The following NSG2 variants were observed in gnomAD, a reference collection of about 807,000 sequenced individuals.
The protein encoded by NSG2 is neuronal vesicle trafficking associated 2.
NSG2 carries 4 observed loss-of-function variants against 16.9 expected under a neutral mutation model. The ratio of observed to expected loss-of-function variants is 0.24; its 90% confidence interval spans 0.12 to 0.54. The LOEUF is 0.54. NSG2 is among the 20% of genes least tolerant of loss of function. NSG2 has a pLI of 0.95. For synonymous variants in NSG2, 98 were observed against 88.7 expected (o/e 1.11, Z -0.59); for missense variants, 179 against 221.1 (o/e 0.81, Z 1.21).
At chr5:174,085,431 C>T (rs17708750) in intron 3 of NSG2, among the ~76,000 whole-genome samples, 18,182 of 152,218 alleles carry the variant, frequency 0.12, 1,427 homozygotes, top group Non-Finnish European at 0.18. Context: ...TCCTGCATCC[C>T]AGTCTCTGAA....
chr5:174,080,553 CTTT>C (rs1326151986), intron 3 of NSG2, among the ~76,000 whole-genome samples: 72 of 115,172 alleles, frequency 6.3e-4, no homozygotes, highest in African/African-American at 1.9e-3. Flanking sequence ...CTCTCTCTTT[CTTT>C]TCTTTCTTTT....
rs150323749 is a variant in NSG2, at chr5:174,072,882, G to C, written c.213+8567G>C. Among the ~76,000 whole-genome samples the C allele has an allele frequency of 9.9e-3, 1,502 of 152,324 alleles. 35 individuals carry two copies. The highest frequency in any genetic ancestry group is 0.034 in the African/African-American group (1,400 of 41,572). ...TGCCTGTGGTCCCAGCTGCTCAGGA[G>C]GCTGAGGCAGGAGGATCATCTGAGC... On this transcript the variant is annotated intron_variant, in intron 3 of 4. Transcript: ENST00000303177. This position sits in a 1 kb window ranked among gnomAD's most constrained non-coding sequence, Gnocchi z 4.0.
intron 3 of NSG2, among the ~76,000 whole-genome samples, chr5:174,077,581 C>T (rs559704219): frequency 6.6e-6 from 1 of 152,336 alleles, no homozygotes; most frequent in African/African-American, 2.4e-5. Context: ...AGTCTGGTGG[C>T]CACCTATTCA....
At chr5:174,071,356 C>T (rs767216367) in intron 3 of NSG2, among the ~76,000 whole-genome samples, 67 of 152,222 alleles carry the variant, frequency 4.4e-4, no homozygotes, top group Non-Finnish European at 4.7e-4. Flanking sequence ...TGTGGTGGCA[C>T]GCACCTATAG....
chr5:174,090,776 G>A (rs926669788), intron 3 of NSG2, among the ~76,000 whole-genome samples: 24 of 152,184 alleles, frequency 1.6e-4, no homozygotes, highest in African/African-American at 4.1e-4. Flanking sequence ...AATTGAGCAC[G>A]GGGGCAGAAA....
chr5:174,082,831 G>T (rs758673853), intron 3 of NSG2, among the ~76,000 whole-genome samples: 1 of 152,116 alleles, frequency 6.6e-6, no homozygotes, highest in Non-Finnish European at 1.5e-5. Flanking sequence ...CCCTTGACTG[G>T]TCTTCCTGCT....
At chr5:174,066,004 C>T (rs1416836342) in intron 3 of NSG2, among the ~76,000 whole-genome samples, 1 of 152,156 alleles carries the variant, frequency 6.6e-6, no homozygotes, top group Non-Finnish European at 1.5e-5. Flanking sequence ...GGAATTGAAG[C>T]GTATGCGGGG....
intron 3 of NSG2, chr5:174,066,336 C>T (rs1432908877): frequency 1.1e-5 from 5 of 443,454 alleles, no homozygotes; most frequent in African/African-American, 2.0e-5. Flanking sequence ...TCTTGGTGCA[C>T]CAGGCCACGG....
chr5:174,090,406 T>C (rs567838123), intron 3 of NSG2, among the ~76,000 whole-genome samples: 1 of 152,256 alleles, frequency 6.6e-6, no homozygotes, highest in East Asian at 1.9e-4. Flanking sequence ...GGGTTTTCAC[T>C]GGGGGCTGGT....
intron 3 of NSG2, among the ~76,000 whole-genome samples, chr5:174,080,803 TCCGC>T (rs1469741383): frequency 1.3e-5 from 2 of 152,148 alleles, no homozygotes; most frequent in Non-Finnish European, 2.9e-5. Flanking sequence ...TCTCAGGTGA[TCCGC>T]CCGCCTTGGT....
chr5:174,075,817 G>A lies in NSG2; in HGVS notation c.213+11502G>A, dbSNP rs190657143. 1.7e-3 allele frequency among the ~76,000 whole-genome samples: 261 copies of A among 152,330 alleles called. 1 individual carries two copies. Among genetic ancestry groups the A allele is most frequent in the Non-Finnish European group, 2.0e-3 (136 of 68,026 alleles). ...AGGCCCTAATAAGATGACTGTATGT[G>A]CAGCTTTTCATGTTGCCAGTAGGTT... On this transcript the variant is annotated intron_variant, in intron 3 of 4. Transcript: ENST00000303177.
intron 2 of NSG2, among the ~76,000 whole-genome samples, chr5:174,049,444 TGC>T (rs1491406337): frequency 6.6e-6 from 1 of 151,062 alleles, no homozygotes; most frequent in Non-Finnish European, 1.5e-5. Context: ...CACGCGCACG[TGC>T]ACACACACAC....
Position 174,107,696 on chromosome 5 carries a change from T to G in NSG2, c.*191T>G. On this transcript the variant is annotated 3_prime_UTR_variant, in exon 5 of 5. Transcript: ENST00000303177. This position sits in a 1 kb window ranked among gnomAD's most constrained non-coding sequence, Gnocchi z 4.5. ...TTGTCTGAACCGATATTTCTTTTTGTTCCTTGGTATTGTTGATTCGTCGCC... is the reference window on the plus strand; with the variant it reads ...TTGTCTGAACCGATATTTCTTTTTGGTCCTTGGTATTGTTGATTCGTCGCC... The G allele has an allele frequency of 1.4e-6, 1 of 711,248 alleles. No homozygotes were observed. The highest frequency in any genetic ancestry group is 2.5e-6 in the Non-Finnish European group (1 of 394,502). The allele number at this position is 711,248 out of a possible 1,614,324, so 44.1% of individuals were successfully genotyped here. A position where few individuals can be genotyped will look rare whatever the true frequency, so the allele number is the denominator to read the frequency against.
chr5:174,107,611 G>T lies in NSG2; in HGVS notation c.*106G>T, dbSNP rs752396473. 1.9e-6 allele frequency: 2 copies of T among 1,078,940 alleles called. No individual in the cohort carries two copies. The highest frequency in any genetic ancestry group is 2.7e-6 in the Non-Finnish European group (2 of 731,548). 66.8% of individuals were successfully genotyped at this position (1,078,940 alleles called of 1,614,324 possible). Reference sequence around the variant, plus strand: ...CACTGTACTCCTGGGATATGGGGGCGGGGGCGGGGCAGGGCAGGGTGGGGG... The same window carrying T: ...CACTGTACTCCTGGGATATGGGGGCTGGGGCGGGGCAGGGCAGGGTGGGGG... On this transcript the variant is annotated 3_prime_UTR_variant, in exon 5 of 5. Coordinates refer to ENST00000303177, the MANE Select transcript of NSG2 (RefSeq NM_015980.5). The surrounding 1 kb of genome is among the most constrained non-coding windows in gnomAD (Gnocchi z 4.5).
intron 3 of NSG2, chr5:174,082,152 A>G (rs1336848708): frequency 6.6e-6 from 1 of 152,178 alleles, no homozygotes; most frequent in East Asian, 1.9e-4. Context: ...ACCCATTGCC[A>G]TTCTCTTAAT....
In NSG2 at chr5:174,093,267, T is replaced by G. The variant is rs536415719; in HGVS notation, c.214-10961T>G. Among the ~76,000 whole-genome samples, 28 of 152,294 alleles carry G rather than the reference T, an allele frequency of 1.8e-4. 1 individual carries two copies. Among genetic ancestry groups the G allele is most frequent in the Admixed American group, 5.2e-4 (8 of 15,308 alleles). ...AAGCATTCCATGTATGCTAATTAAC[T>G]AAAGGCATTCCCGGGAAAGGCTGAG... On this transcript the variant is annotated intron_variant, in intron 3 of 4. Coordinates refer to ENST00000303177, the MANE Select transcript of NSG2 (RefSeq NM_015980.5).
At chr5:174,089,178 G>A (rs74651063) in intron 3 of NSG2, among the ~76,000 whole-genome samples, 2,921 of 152,240 alleles carry the variant, frequency 0.019, 92 homozygotes, top group African/African-American at 0.066. Context: ...GCCCCAAATG[G>A]CAAAGAACTG....
chr5:174,095,126 C>T (rs1257145900), intron 3 of NSG2, among the ~76,000 whole-genome samples: 2 of 152,154 alleles, frequency 1.3e-5, no homozygotes, highest in African/African-American at 2.4e-5. Context: ...TATGCAAGAG[C>T]AGTTCATACG....
At chr5:174,065,039 A>G (rs2113436091) in intron 3 of NSG2, among the ~76,000 whole-genome samples, 1 of 152,374 alleles carries the variant, frequency 6.6e-6, no homozygotes, top group South Asian at 2.1e-4. Context: ...AGAAATAAGG[A>G]CAGTGAGGGC....
Sources: gnomAD v4.1 joint callset for allele counts (sites outside exome capture counted in the v4.1 genomes callset) on GRCh38, gnomAD v4.1.1 for gene constraint, Gnocchi (gnomAD v3.1) non-coding constraint, MANE v1.5 for transcripts, NCBI Gene and HGNC (gene_info 2026-07-23, HGNC 2026-07-21) for gene names.